ACVR1B: variants seen among roughly 807,000 people sequenced by gnomAD.
The protein encoded by ACVR1B is activin A receptor type 1B, also known as activin receptor type-1B.
A neutral mutation model predicts 55.6 loss-of-function variants in ACVR1B; 15 were observed. The ratio of observed to expected loss-of-function variants is 0.27; its 90% confidence interval spans 0.18 to 0.42. The LOEUF is 0.42. Among genes scored for constraint, ACVR1B ranks in the 10% least tolerant of loss-of-function variants. The probability of loss-of-function intolerance (pLI) is 1.00; values close to 1 mark genes in which losing one functional copy is unlikely to be tolerated. For missense variants in ACVR1B, 359 were observed against 670.1 expected, an observed-to-expected ratio of 0.54 and a Z score of 5.13; for synonymous variants, 247 against 254.6, an observed-to-expected ratio of 0.97 and a Z score of 0.28.
intron 2 of ACVR1B, 126 bp from the exon 3 acceptor site, chr12:51,976,201 C>CA (rs1941849992): frequency 1.8e-6 from 2 of 1,134,050 alleles, no homozygotes; most frequent in Non-Finnish European, 1.2e-6. Flanking sequence ...TTAGAGAGAT[C>CA]AAGGGAGCCT....
chr12:51,967,554 C>T (rs1472199654), intron 1 of ACVR1B, among the ~76,000 whole-genome samples: 1 of 152,062 alleles, frequency 6.6e-6, no homozygotes, highest in Non-Finnish European at 1.5e-5. Context: ...AGCAAGACTC[C>T]GTCTTAAAAA....
intron 1 of ACVR1B, among the ~76,000 whole-genome samples, chr12:51,954,107 C>T (rs1941364300): frequency 6.6e-6 from 1 of 152,092 alleles, no homozygotes; most frequent in South Asian, 2.1e-4. Flanking sequence ...TTTTTCCCCT[C>T]CCCTGCATTT....
At chr12:51,952,801 G>A (rs1235848122) in intron 1 of ACVR1B, among the ~76,000 whole-genome samples, 2 of 151,442 alleles carry the variant, frequency 1.3e-5, no homozygotes, top group Non-Finnish European at 2.9e-5. Flanking sequence ...CCTACACGAT[G>A]CCTCTTCCCA....
At position 51,975,521 on chromosome 12, in the gene ACVR1B, GT is replaced by G. The variant is rs533764202; in HGVS notation, c.331+19del. On this transcript the variant is annotated intron_variant, in intron 2 of 8. Transcript: ENST00000257963. Reference sequence around the variant, plus strand: ...TGCCCAGTGGTGAGTGCATGCCCTTGTTGGGCTAGTGGCTCAGCTTGGAGAT... The same window carrying G: ...TGCCCAGTGGTGAGTGCATGCCCTTGTGGGCTAGTGGCTCAGCTTGGAGAT... 15 of 1,600,434 alleles carry G rather than the reference GT, an allele frequency of 9.4e-6. No individual in the cohort carries two copies. In the South Asian group the frequency reaches 1.7e-4, roughly 18 times the overall value.
chr12:51,983,738 T>G (rs978575253), intron 4 of ACVR1B, among the ~76,000 whole-genome samples: 4 of 152,206 alleles, frequency 2.6e-5, no homozygotes, highest in African/African-American at 9.7e-5. Context: ...GACATAATGT[T>G]CAGAATCCTA....
rs869161100 is a variant in ACVR1B at position 51,993,765 on chromosome 12, TAAAAAAAAAAAAAAAAAA to T, written c.1393-198_1393-181del. Among the ~76,000 whole-genome samples the T allele has an allele frequency of 5.6e-3, 167 of 29,764 alleles. 2 individuals are homozygous for T. Among genetic ancestry groups the T allele is most frequent in the East Asian group, 0.022 (17 of 782 alleles). 19.5% of individuals were successfully genotyped at this position (29,764 alleles called of 152,430 possible). On this transcript the variant is annotated intron_variant, in intron 8 of 8. Transcript: ENST00000257963. ...CTGGGTGACAGAGTGAGACTCCTTC[TAAAAAAAAAAAAAAAAAA>T]AAAAAAAAAAAAAAAAAAAAAGGAA...
Position 51,992,236 on chromosome 12 carries a change from G to A in ACVR1B, c.1392+243G>A, listed in dbSNP as rs930039111. The A allele has an allele frequency of 1.6e-5, 9 of 552,788 alleles. No homozygotes were observed. In the South Asian group the frequency reaches 2.1e-4, roughly 13 times the overall value. The allele number at this position is 552,788 out of a possible 1,614,324, so 34.2% of individuals were successfully genotyped here. On this transcript the variant is annotated intron_variant, in intron 8 of 8. Coordinates refer to ENST00000257963, the MANE Select transcript of ACVR1B (RefSeq NM_004302.5). ...GAAAAGGCTTTGGGCCTGGTGTGGTGGCATAGGCCTGTAATCGTAGCGCTT... is the reference window on the plus strand; with the variant it reads ...GAAAAGGCTTTGGGCCTGGTGTGGTAGCATAGGCCTGTAATCGTAGCGCTT...
At chr12:51,956,069 G>A (rs2040038598) in intron 1 of ACVR1B, among the ~76,000 whole-genome samples, 1 of 152,218 alleles carries the variant, frequency 6.6e-6, no homozygotes, top group South Asian at 2.1e-4. Flanking sequence ...ATTTCAGAGA[G>A]TATCTTTCTT....
Position 51,976,314 on chromosome 12 carries a change from T to C in ACVR1B, c.332-13T>C. The C allele has an allele frequency of 6.2e-7, 1 of 1,613,860 alleles. No homozygotes were observed. Among genetic ancestry groups the C allele is most frequent in the African/African-American group, 1.3e-5 (1 of 75,028 alleles). ...CTTCTCATTCTTTCCCTCTCCTCTC[T>C]CACTTGACTCAGGTCACCTCAAGGA... On this transcript the variant is annotated splice_polypyrimidine_tract_variant and intron_variant, in intron 2 of 8. Transcript: ENST00000257963.
intron 1 of ACVR1B, among the ~76,000 whole-genome samples, chr12:51,972,668 C>T (rs114748050): frequency 2.0e-5 from 3 of 152,158 alleles, no homozygotes; most frequent in Non-Finnish European, 4.4e-5. Flanking sequence ...GGCATTTGAG[C>T]CTTTCTGACC....
chr12:51,992,557 C>T (rs948015735), intron 8 of ACVR1B, among the ~76,000 whole-genome samples: 2 of 152,180 alleles, frequency 1.3e-5, no homozygotes, highest in African/African-American at 4.8e-5. Flanking sequence ...AGGTGGTCAA[C>T]AAGTGACAAC....
chr12:51,987,349 AAT>A (rs2120718790), intron 7 of ACVR1B: 1 of 506,146 alleles, frequency 2.0e-6, no homozygotes, highest in South Asian at 3.6e-5. Flanking sequence ...TCATTGTTAA[AAT>A]AATAGTGCTA....
chr12:51,976,564 G>A lies in ACVR1B; in HGVS notation c.569G>A (p.Gly190Glu), dbSNP rs750938976. ...QDLVYDLSTS[G>E]SGSGLPLFVQ... ...CTTGTCTACGATCTCTCCACCTCAGGGTCTGGCTCAGGTACCAAGTTCTTC... is the reference window on the plus strand; with the variant it reads ...CTTGTCTACGATCTCTCCACCTCAGAGTCTGGCTCAGGTACCAAGTTCTTC... The change falls in exon 3 of 9, where the codon GGG becomes GAG. Residue 190 changes from glycine to glutamate, a missense_variant. Physicochemically the swap from Gly to Glu is moderately conservative, Grantham distance 98. Around this residue, in one of 5 missense-constraint regions of ACVR1B, gnomAD observed 119 missense variants for 340.2 expected, o/e 0.35. Transcript: ENST00000257963. 5 of 1,613,162 alleles carry A rather than the reference G, an allele frequency of 3.1e-6. No individual in the cohort carries two copies.
chr12:51,986,856 T>C lies in ACVR1B; in HGVS notation c.1175T>C (p.Met392Thr), dbSNP rs530734571. 83 of 1,614,076 alleles carry C rather than the reference T, an allele frequency of 5.1e-5. 1 individual carries two copies. The South Asian group carries it at 8.0e-4, about 16-fold the overall frequency. The change falls in exon 7 of 9, where the codon ATG becomes ACG. Residue 392 changes from methionine to threonine, a missense_variant. Coordinates refer to ENST00000257963, the MANE Select transcript of ACVR1B (RefSeq NM_004302.5). ...APEVLDETINMKHFDSFKCAD... is the reference protein window; with the variant it reads ...APEVLDETINTKHFDSFKCAD... Reference sequence around the variant, plus strand: ...GAAGTACTTGATGAAACCATTAATATGAAACACTTTGACTCCTTTAAATGT... The same window carrying C: ...GAAGTACTTGATGAAACCATTAATACGAAACACTTTGACTCCTTTAAATGT...
intron 1 of ACVR1B, among the ~76,000 whole-genome samples, chr12:51,962,846 C>T (rs557680126): frequency 6.6e-6 from 1 of 152,262 alleles, no homozygotes; most frequent in South Asian, 2.1e-4. Context: ...GGCCCCTCTG[C>T]CCCTGAAATT....
At chr12:51,969,753 G>A (rs57066271) in intron 1 of ACVR1B, among the ~76,000 whole-genome samples, 2,752 of 152,268 alleles carry the variant, frequency 0.018, 28 homozygotes, top group Non-Finnish European at 0.022. Flanking sequence ...GCGTGGTGGG[G>A]TATACTTGTA....
At chr12:51,990,959 G>C (rs1942180413) in intron 7 of ACVR1B, among the ~76,000 whole-genome samples, 1 of 152,190 alleles carries the variant, frequency 6.6e-6, no homozygotes, top group South Asian at 2.1e-4. Flanking sequence ...ATCCTTCACA[G>C]GGGTTCCTCT....
chr12:51,975,398 G>C lies in ACVR1B; in HGVS notation c.225G>C (p.Leu75=). The change falls in exon 2 of 9, where the codon CTG becomes CTC. Residue 75 remains leucine, a synonymous_variant. Transcript: ENST00000257963. ...HVRTCIPKVE[L]VPAGKPFYCL... is the part of the protein sequence containing the mutation. ...GCACCTGCATCCCCAAAGTGGAGCT[G>C]GTCCCTGCCGGGAAGCCCTTCTACT... 1 of 1,614,218 alleles carries C rather than the reference G, an allele frequency of 6.2e-7. No homozygotes were observed. Among genetic ancestry groups the C allele is most frequent in the Non-Finnish European group, 8.5e-7 (1 of 1,180,042 alleles).
chr12:51,987,869 G>A (rs948949063), intron 7 of ACVR1B: 2 of 152,244 alleles, frequency 1.3e-5, no homozygotes, highest in African/African-American at 4.8e-5. Context: ...GTAACACAGT[G>A]TAAATGCTTG....
Sources: gnomAD v4.1 joint callset for allele counts (sites outside exome capture counted in the v4.1 genomes callset) on GRCh38, gnomAD v4.1.1 for gene constraint, gnomAD v4.1.1 regional missense constraint, MANE v1.5 for transcripts, NCBI Gene and HGNC (gene_info 2026-07-23, HGNC 2026-07-21) for gene names.